PTAFR: variants seen among roughly 807,000 people sequenced by gnomAD.
PTAFR encodes platelet activating factor receptor, also known as platelet-activating factor receptor.
PTAFR carries 8 observed loss-of-function variants against 14.7 expected under a neutral mutation model. The observed-to-expected ratio is 0.54, with a 90% CI of 0.32 to 0.98. PTAFR has a LOEUF of 0.98. PTAFR is among the 50% of genes least tolerant of loss of function. PTAFR has a pLI of 0.04. For synonymous variants in PTAFR, 156 were observed against 176.5 expected (o/e 0.88, Z 0.92); for missense variants, 337 against 451.2 (o/e 0.75, Z 2.29).
chr1:28,172,214 C>A (rs189175149), intron 1 of PTAFR, among the ~76,000 whole-genome samples: 197 of 152,296 alleles, frequency 1.3e-3, no homozygotes, highest in African/African-American at 4.6e-3. Flanking sequence ...CAGGTTTTCA[C>A]CATGCTGGCC....
At chr1:28,191,396 T>C (rs913292942) in intron 1 of PTAFR, among the ~76,000 whole-genome samples, 2 of 152,134 alleles carry the variant, frequency 1.3e-5, no homozygotes, top group Non-Finnish European at 2.9e-5. Context: ...AGCTATGACA[T>C]TGGTATGAAA....
chr1:28,192,644 TTTTG>T (rs928140839), intron 1 of PTAFR, among the ~76,000 whole-genome samples: 8 of 151,656 alleles, frequency 5.3e-5, no homozygotes, highest in African/African-American at 9.7e-5. Flanking sequence ...TGGGTTTTTT[TTTTG>T]TTTGTTTGTT....
Position 28,154,287 on chromosome 1 carries a change from G to T in PTAFR, c.-38-3228C>A, listed in dbSNP as rs1029480389. Among the ~76,000 whole-genome samples the T allele has an allele frequency of 3.3e-5, 5 of 152,086 alleles. No homozygotes were observed. The South Asian group carries it at 1.0e-3, about 31-fold the overall frequency. On this transcript the variant is annotated intron_variant, in intron 1 of 1. Transcript: ENST00000373857. ...GGGGTGGTTATATGACTTGTGCAAG[G>T]TCACACGGCTATTAAGGAATGGTGC...
upstream of PTAFR, among the ~76,000 whole-genome samples, chr1:28,177,660 T>G (rs953420567): frequency 2.6e-5 from 4 of 152,156 alleles, no homozygotes; most frequent in African/African-American, 9.7e-5. Context: ...CCTTGTGAGG[T>G]CCTTTAATCT....
intron 1 of PTAFR, among the ~76,000 whole-genome samples, chr1:28,157,684 A>G (rs555322440): frequency 6.8e-6 from 1 of 146,952 alleles, no homozygotes; most frequent in South Asian, 2.1e-4. Context: ...GCTGGAGTGC[A>G]GTGGCGCGAT....
intron 1 of PTAFR, among the ~76,000 whole-genome samples, chr1:28,190,698 T>C (rs1046240643): frequency 3.9e-5 from 6 of 152,144 alleles, no homozygotes; most frequent in African/African-American, 1.4e-4. Context: ...GGGACTGCTC[T>C]AAAACCAGAG....
Position 28,150,572 on chromosome 1 carries a change from G to A in PTAFR, c.450C>T (p.Ser150=). 6.2e-7 allele frequency: 1 copy of A among 1,614,170 alleles called. No homozygotes were observed. Residue 150 remains serine, a synonymous_variant, in exon 2 of 2, where the codon TCC becomes TCT. Coordinates refer to ENST00000373857, the MANE Select transcript of PTAFR (RefSeq NM_000952.5). The surrounding 1 kb of genome is among the most constrained non-coding windows in gnomAD (Gnocchi z 6.3). ...VIWVAIVGAA[S]YFLILDSTNT... is the part of the protein sequence containing the mutation. Reference sequence around the variant, plus strand: ...TGGTGGAGTCCAGGATGAGGAAGTAGGATGCAGCTCCCACAATGGCCACCC... The same window carrying A: ...TGGTGGAGTCCAGGATGAGGAAGTAAGATGCAGCTCCCACAATGGCCACCC...
chr1:28,177,223 G>A (rs1298155735), upstream of PTAFR: 1 of 152,400 alleles, frequency 6.6e-6, no homozygotes, highest in Non-Finnish European at 1.5e-5. Flanking sequence ...TCTGGATGGG[G>A]GTGAGAGAGA....
chr1:28,193,507 G>A (rs1256118488), intron 1 of PTAFR, among the ~76,000 whole-genome samples: 1 of 152,050 alleles, frequency 6.6e-6, no homozygotes, highest in East Asian at 1.9e-4. Flanking sequence ...GTTGGTGAGT[G>A]TGTGTGAATG....
chr1:28,155,123 C>T (rs1254110408), intron 1 of PTAFR, among the ~76,000 whole-genome samples: 1 of 152,190 alleles, frequency 6.6e-6, no homozygotes, highest in Non-Finnish European at 1.5e-5. Flanking sequence ...TCAAACCTGT[C>T]CAGACATTTC....
intron 1 of PTAFR, among the ~76,000 whole-genome samples, chr1:28,184,802 G>A (rs1487489557): frequency 6.6e-6 from 1 of 151,686 alleles, no homozygotes; most frequent in African/African-American, 2.4e-5. Context: ...ACCACACCTA[G>A]CTAATTTTTG....
rs567174448 is a variant in PTAFR at position 28,170,859 on chromosome 1, G to A, written c.-39+5733C>T. On this transcript the variant is annotated intron_variant, in intron 1 of 1. Transcript: ENST00000373857. ...ACTAAAAATACAAAAAATTAGCTGGGCAAGGTGGTGGGCGCCTGTAGTCCC... is the reference window on the plus strand; with the variant it reads ...ACTAAAAATACAAAAAATTAGCTGGACAAGGTGGTGGGCGCCTGTAGTCCC... Among the ~76,000 whole-genome samples, 3 of 151,966 alleles carry A rather than the reference G, an allele frequency of 2.0e-5. No homozygotes were observed. In the South Asian group the frequency reaches 6.2e-4, roughly 32 times the overall value.
chr1:28,161,394 TG>T (rs35718542), intron 1 of PTAFR, among the ~76,000 whole-genome samples: 2 of 152,158 alleles, frequency 1.3e-5, no homozygotes, highest in Admixed American at 6.5e-5. Flanking sequence ...ACATTCTAGT[TG>T]GGGGAAACAG....
chr1:28,164,818 G>C (rs1407067264), intron 1 of PTAFR, among the ~76,000 whole-genome samples: 1 of 152,130 alleles, frequency 6.6e-6, no homozygotes, highest in African/African-American at 2.4e-5. Flanking sequence ...ATGCTGTGAG[G>C]CCCCAGGAAG....
intron 1 of PTAFR, among the ~76,000 whole-genome samples, chr1:28,152,673 G>A (rs1265377452): frequency 1.3e-5 from 2 of 152,282 alleles, no homozygotes; most frequent in East Asian, 1.9e-4. Context: ...AACCCGGGAG[G>A]TGGAGGTTGC....
At chr1:28,151,666 A>C (rs1223557244) in intron 1 of PTAFR, among the ~76,000 whole-genome samples, 4 of 151,562 alleles carry the variant, frequency 2.6e-5, no homozygotes, top group East Asian at 3.9e-4. Context: ...TCTCACACAA[A>C]AAAAAAAAAT....
At chr1:28,165,599 C>T (rs892760206) in intron 1 of PTAFR, among the ~76,000 whole-genome samples, 2 of 151,132 alleles carry the variant, frequency 1.3e-5, no homozygotes, top group African/African-American at 2.4e-5. Flanking sequence ...CTGGCTAACA[C>T]AGTGAAACCC....
chr1:28,172,830 G>A (rs1433689832), intron 1 of PTAFR, among the ~76,000 whole-genome samples: 3 of 151,966 alleles, frequency 2.0e-5, no homozygotes, highest in Non-Finnish European at 4.4e-5. Flanking sequence ...TGAGCCTTGG[G>A]GTTTTTATCT....
At chr1:28,154,596 G>A (rs557884763) in intron 1 of PTAFR, among the ~76,000 whole-genome samples, 4 of 152,154 alleles carry the variant, frequency 2.6e-5, no homozygotes, top group East Asian at 1.9e-4. Context: ...TGGATTGCCT[G>A]AGCTTAGGAG....
Sources: allele counts gnomAD v4.1 joint callset (sites outside exome capture counted in the v4.1 genomes callset), GRCh38; gene constraint gnomAD v4.1.1; non-coding constraint Gnocchi (gnomAD v3.1); transcripts MANE v1.5; gene names NCBI Gene and HGNC (gene_info 2026-07-23, HGNC 2026-07-21).